The following TMEM62 variants were observed in gnomAD, a reference collection of about 807,000 sequenced individuals.
The protein encoded by TMEM62 is transmembrane protein 62.
TMEM62 carries 41 observed loss-of-function variants against 70.4 expected under a neutral mutation model. The ratio of observed to expected loss-of-function variants is 0.58; its 90% CI spans 0.45 to 0.76. The LOEUF (loss-of-function observed/expected upper bound fraction) is 0.76. Among genes scored for constraint, TMEM62 ranks in the 30% least tolerant of loss-of-function variants. The pLI, the probability that TMEM62 is intolerant of heterozygous loss-of-function variation, is 0.00. For synonymous variants in TMEM62, 268 were observed against 291.0 expected (o/e 0.92, Z 0.80); for missense variants, 688 against 788.5 (o/e 0.87, Z 1.53).
At position 43,151,836 on chromosome 15, in the gene TMEM62, T is replaced by C. The variant is rs748473585; in HGVS notation, c.913T>C (p.Leu305=). The part of the protein sequence containing the change: ...FDHDLFSFAD[L]IFGKWPVVLI... Reference sequence around the variant, plus strand: ...TCACGACCTCTTTAGCTTTGCAGATTTGATCTTTGGGAAGTGGCCTGTGGT... The same window carrying C: ...TCACGACCTCTTTAGCTTTGCAGATCTGATCTTTGGGAAGTGGCCTGTGGT... Residue 305 remains leucine, a synonymous_variant, in exon 8 of 14, where the codon TTG becomes CTG. Coordinates refer to ENST00000260403, the MANE Select transcript of TMEM62 (RefSeq NM_024956.4). 10 of 1,614,108 alleles carry C rather than the reference T, an allele frequency of 6.2e-6. No individual in the cohort carries two copies. In the East Asian group the frequency reaches 6.7e-5, roughly 11 times the overall value.
chr15:43,146,636 T>C lies in TMEM62; in HGVS notation c.618+2T>C. ...AATTTCTTTGGAATTTTAGATAAGG[T>C]GCAGTAAAAATCTTACTTCCCTTTG... is the stretch of plus-strand genomic sequence containing the variant. On this transcript the variant is annotated splice_donor_variant, in intron 5 of 13. Transcript: ENST00000260403. LOFTEE classifies it high-confidence loss of function. 6.2e-7 allele frequency: 1 copy of C among 1,605,480 alleles called. No individual in the cohort carries two copies. Among genetic ancestry groups the C allele is most frequent in the Non-Finnish European group, 8.5e-7 (1 of 1,177,132 alleles).
At chr15:43,173,486 A>C (rs902320206) in intron 11 of TMEM62, among the ~76,000 whole-genome samples, 1 of 152,248 alleles carries the variant, frequency 6.6e-6, no homozygotes, top group African/African-American at 2.4e-5. Flanking sequence ...TCCACAGTCT[A>C]GTCTTATTTA....
At position 43,169,601 on chromosome 15, in the gene TMEM62, C is replaced by T; in HGVS notation, c.1305C>T (p.Val435=). ...CATCTATTTCCCTGCAGGCCCGGGT[C>T]CTTTTTGTGCTGATTGTGCTGAGCC... ...LRTDHYIMAR[V]LFVLIVLSQL... is the part of the protein sequence containing the mutation. The change falls in exon 11 of 14, where the codon GTC becomes GTT. Residue 435 remains valine, a synonymous_variant. Coordinates refer to ENST00000260403, the MANE Select transcript of TMEM62 (RefSeq NM_024956.4). 6.2e-7 allele frequency: 1 copy of T among 1,613,866 alleles called. No individual in the cohort carries two copies. The highest frequency in any genetic ancestry group is 1.1e-5 in the South Asian group (1 of 91,028).
At position 43,146,544 on chromosome 15, in the gene TMEM62, T is replaced by G; in HGVS notation, c.528T>G (p.Thr176=). The part of the protein sequence containing the change: ...RDGSFHYVHS[T]PFGNYSFICV... ...GCTCTTTCCATTATGTCCACAGTACTCCCTTTGGCAACTATTCGTTCATCT... is the reference window on the plus strand; with the variant it reads ...GCTCTTTCCATTATGTCCACAGTACGCCCTTTGGCAACTATTCGTTCATCT... Residue 176 remains threonine, a synonymous_variant, in exon 5 of 14, where the codon ACT becomes ACG. Coordinates refer to ENST00000260403, the MANE Select transcript of TMEM62 (RefSeq NM_024956.4). The G allele has an allele frequency of 1.2e-6, 2 of 1,613,864 alleles. No homozygotes were observed. Among genetic ancestry groups the G allele is most frequent in the Non-Finnish European group, 1.7e-6 (2 of 1,179,802 alleles).
At chr15:43,184,172 C>T in intron 13 of TMEM62, 88 bp from the exon 14 acceptor site, 6 of 1,162,994 alleles carry the variant, frequency 5.2e-6, no homozygotes, top group Non-Finnish European at 7.4e-6. Context: ...CAGATAGCAG[C>T]ATAGTCTTAG....
At chr15:43,162,831 T>G (rs756666916) in intron 10 of TMEM62, among the ~76,000 whole-genome samples, 9 of 152,186 alleles carry the variant, frequency 5.9e-5, no homozygotes, top group Non-Finnish European at 1.3e-4. Flanking sequence ...AGTTTTTAGA[T>G]ATCTCTCTAA....
rs1398470732 is a variant in TMEM62 at position 43,184,627 on chromosome 15, C to T, written c.*41C>T. The T allele has an allele frequency of 6.4e-7, 1 of 1,564,560 alleles. No homozygotes were observed. Among genetic ancestry groups the T allele is most frequent in the Non-Finnish European group, 8.7e-7 (1 of 1,149,458 alleles). On this transcript the variant is annotated 3_prime_UTR_variant, in exon 14 of 14. Transcript: ENST00000260403. Reference sequence around the variant, plus strand: ...ACTGGCAGCTGGGCAGAAGCCCAGCCTCTGTGTCTGTAGCCCAGGCCTCTA... The same window carrying T: ...ACTGGCAGCTGGGCAGAAGCCCAGCTTCTGTGTCTGTAGCCCAGGCCTCTA...
intron 10 of TMEM62, among the ~76,000 whole-genome samples, chr15:43,161,140 C>A (rs1233278374): frequency 1.3e-5 from 2 of 151,998 alleles, no homozygotes; most frequent in African/African-American, 4.8e-5. Context: ...CTGGGGGGGA[C>A]TTGGAATGTG....
intron 9 of TMEM62, among the ~76,000 whole-genome samples, chr15:43,157,303 C>A (rs2038157976): frequency 6.6e-6 from 1 of 152,088 alleles, no homozygotes; most frequent in African/African-American, 2.4e-5. Flanking sequence ...ACCTAGCAAT[C>A]TAGTTTAACA....
intron 10 of TMEM62, among the ~76,000 whole-genome samples, chr15:43,163,124 C>T (rs1471752512): frequency 6.6e-6 from 1 of 151,244 alleles, no homozygotes; most frequent in Non-Finnish European, 1.5e-5. Flanking sequence ...TTTAGAGAAG[C>T]TATGGTAATT....
intron 9 of TMEM62, among the ~76,000 whole-genome samples, chr15:43,156,404 G>GA (rs2038052565): frequency 6.6e-6 from 1 of 152,288 alleles, no homozygotes; most frequent in East Asian, 1.9e-4. Context: ...GTAGAAGGAA[G>GA]AAAAAACTTA....
At position 43,160,543 on chromosome 15, in the gene TMEM62, A is replaced by AAACAAC. The variant is rs199988098; in HGVS notation, c.1183-117_1183-112dup. 5.9e-3 allele frequency: 3,505 copies of AAACAAC among 595,694 alleles called. 70 individuals are homozygous for AAACAAC. The highest frequency in any genetic ancestry group is 0.042 in the African/African-American group (2,209 of 52,502). 36.9% of individuals were successfully genotyped at this position (595,694 alleles called of 1,614,324 possible). A position where few individuals can be genotyped will look rare whatever the true frequency, so the allele number is the denominator to read the frequency against. ...CTGGACAACAGAGAGAAACCTTGAA[A>AAACAAC]AACAACAACAACAACAACAACAACA... On this transcript the variant is annotated intron_variant, in intron 9 of 13. Transcript: ENST00000260403.
At chr15:43,178,152 G>T (rs1007692217) in intron 11 of TMEM62, among the ~76,000 whole-genome samples, 1 of 151,610 alleles carries the variant, frequency 6.6e-6, no homozygotes, top group Non-Finnish European at 1.5e-5. Context: ...TGTACATTTG[G>T]ACACTAAATT....
intron 7 of TMEM62, among the ~76,000 whole-genome samples, chr15:43,149,997 T>C (rs2037172119): frequency 6.6e-6 from 1 of 152,230 alleles, no homozygotes; most frequent in African/African-American, 2.4e-5. Context: ...TGAAATAGTT[T>C]ATCAAGTTTT....
At position 43,149,140 on chromosome 15, in the gene TMEM62, G is replaced by A. The variant is rs763926333; in HGVS notation, c.855G>A (p.Lys285=). The change falls in exon 7 of 14, where the codon AAG becomes AAA. Residue 285 remains lysine (K), a synonymous_variant. Coordinates refer to ENST00000260403, the MANE Select transcript of TMEM62 (RefSeq NM_024956.4). ...TGGAACTTGAGGTGGGAGACTGGAA[G>A]GATAATAGGAGGTAAGGGAACCTCC... ...GTLELEVGDW[K]DNRRYRIFAF... The A allele has an allele frequency of 2.5e-6, 4 of 1,613,892 alleles. No homozygotes were observed. The South Asian group carries it at 4.4e-5, about 18-fold the overall frequency.
At chr15:43,135,827 T>A in intron 3 of TMEM62, 178 bp downstream of exon 3, 1 of 628,546 alleles carries the variant, frequency 1.6e-6, no homozygotes, top group Non-Finnish European at 2.5e-6. Flanking sequence ...ATTGTTAGCC[T>A]TTGAGATGAC....
intron 10 of TMEM62, among the ~76,000 whole-genome samples, chr15:43,166,479 G>A (rs915865886): frequency 6.6e-6 from 1 of 151,628 alleles, no homozygotes; most frequent in African/African-American, 2.4e-5. Flanking sequence ...TACAGGACTG[G>A]TTTGTGTCAG....
At chr15:43,159,406 G>T (rs1352320764) in intron 9 of TMEM62, among the ~76,000 whole-genome samples, 10 of 151,992 alleles carry the variant, frequency 6.6e-5, no homozygotes, top group Admixed American at 6.6e-4. Context: ...ACCCTTTCTA[G>T]CCTCTGGTAA....
At chr15:43,154,954 A>G (rs2037861574) in intron 9 of TMEM62, 123 bp downstream of exon 9, 1 of 878,564 alleles carries the variant, frequency 1.1e-6, no homozygotes, top group African/African-American at 1.7e-5. Flanking sequence ...GGGGCCGGGC[A>G]TGGTGGCTCA....
Sources: allele counts gnomAD v4.1 joint callset (sites outside exome capture counted in the v4.1 genomes callset), GRCh38; gene constraint gnomAD v4.1.1; transcripts MANE v1.5; gene names NCBI Gene and HGNC (gene_info 2026-07-23, HGNC 2026-07-21).